LPIN2: variants seen among roughly 807,000 people sequenced by gnomAD.
The protein encoded by LPIN2 is phosphatidate phosphatase LPIN2.
In LPIN2, 55 loss-of-function variants were observed where a neutral mutation model predicts 111.4. That is an observed-to-expected ratio of 0.49 (90% CI 0.40 to 0.62). The LOEUF is 0.62. LPIN2 is among the 20% of genes least tolerant of loss of function. LPIN2 has a pLI of 0.00. For missense variants in LPIN2, 992 were observed against 1,112.1 expected (o/e 0.89, Z 1.54); for synonymous variants, 425 against 414.0 (o/e 1.03, Z -0.32).
intron 1 of LPIN2, among the ~76,000 whole-genome samples, chr18:2,994,573 T>C (rs1269090469): frequency 6.6e-6 from 1 of 152,276 alleles, no homozygotes; most frequent in African/African-American, 2.4e-5. Flanking sequence ...TCAGGGTAAA[T>C]GGGATATCCA....
chr18:2,956,311 G>GGGGTGTGTGT lies in LPIN2; in HGVS notation c.193-1713_193-1712insACACACACCC, dbSNP rs537302837. ...CATGATTTTCATATATAGATGCAGG[G>GGGGTGTGTGT]GTGTGTGTGTGTGTGTGTGTGTGTG... On this transcript the variant is annotated intron_variant, in intron 2 of 19. Coordinates refer to ENST00000677752, the MANE Select transcript of LPIN2 (RefSeq NM_001375808.2). Among the ~76,000 whole-genome samples the GGGGTGTGTGT allele has an allele frequency of 2.5e-3, 354 of 144,048 alleles. 1 individual carries two copies. The highest frequency in any genetic ancestry group is 7.3e-3 in the Admixed American group (108 of 14,736). 94.5% of individuals were successfully genotyped at this position (144,048 alleles called of 152,430 possible).
chr18:2,940,797 A>T (rs923160486), intron 4 of LPIN2, 85 bp from the exon 5 acceptor site: 10 of 787,486 alleles, frequency 1.3e-5, no homozygotes, highest in South Asian at 4.3e-5. Context: ...GATACTACAA[A>T]CAATCAAAAT....
intron 1 of LPIN2, among the ~76,000 whole-genome samples, chr18:2,970,154 G>C (rs907484559): frequency 3.9e-5 from 6 of 152,136 alleles, no homozygotes; most frequent in African/African-American, 1.4e-4. Flanking sequence ...TAAGAAGAGG[G>C]GATTTTCTGA....
chr18:2,919,971 A>G lies in LPIN2; in HGVS notation c.*322T>C. 2.4e-6 allele frequency: 1 copy of G among 421,494 alleles called. No homozygotes were observed. The highest frequency in any genetic ancestry group is 2.2e-5 in the South Asian group (1 of 46,298). The allele number at this position is 421,494 out of a possible 1,614,324, so 26.1% of individuals were successfully genotyped here. A position where few individuals can be genotyped will look rare whatever the true frequency, so the allele number is the denominator to read the frequency against. ...GCAGTGTTTTGGTCCACTCTTTTTT[A>G]GCTGCTTTTTTCTTCCTTTAAAATG... On this transcript the variant is annotated 3_prime_UTR_variant, in exon 20 of 20. Coordinates refer to ENST00000677752, the MANE Select transcript of LPIN2 (RefSeq NM_001375808.2).
intron 4 of LPIN2, among the ~76,000 whole-genome samples, chr18:2,947,636 A>G (rs75335263): frequency 0.025 from 3,813 of 152,292 alleles, 153 homozygotes; most frequent in African/African-American, 0.087. Flanking sequence ...AAAGTAAAGA[A>G]TTTAAACGAA....
intron 1 of LPIN2, chr18:2,985,114 C>CTA (rs1377138445): frequency 6.6e-6 from 1 of 152,260 alleles, no homozygotes; most frequent in East Asian, 1.9e-4. Flanking sequence ...GGAACATGTA[C>CTA]TATGGACCCA....
chr18:2,929,168 A>G lies in LPIN2; in HGVS notation c.1457-10T>C, dbSNP rs762492589. 3.9e-6 allele frequency: 6 copies of G among 1,523,912 alleles called. No homozygotes were observed. The Admixed American group carries it at 5.0e-5, about 13-fold the overall frequency. 94.4% of individuals were successfully genotyped at this position (1,523,912 alleles called of 1,614,324 possible). On this transcript the variant is annotated splice_polypyrimidine_tract_variant and intron_variant, in intron 9 of 19. Coordinates refer to ENST00000677752, the MANE Select transcript of LPIN2 (RefSeq NM_001375808.2). Reference sequence around the variant, plus strand: ...TGCTCCATGAATTTTTCTGCAATGTAAAATAATAATCAATTTGGTTAGAGA... The same window carrying G: ...TGCTCCATGAATTTTTCTGCAATGTGAAATAATAATCAATTTGGTTAGAGA...
intron 1 of LPIN2, among the ~76,000 whole-genome samples, chr18:2,997,298 T>C (rs562389895): frequency 8.2e-4 from 124 of 151,294 alleles, no homozygotes; most frequent in African/African-American, 2.8e-3. Context: ...TTGTTTTTTG[T>C]TTTTTTTTAG....
At chr18:2,989,663 G>A (rs554892394) in intron 1 of LPIN2, among the ~76,000 whole-genome samples, 16 of 152,280 alleles carry the variant, frequency 1.1e-4, no homozygotes, top group Non-Finnish European at 2.1e-4. Flanking sequence ...GCTGACGCCT[G>A]TAATCCCATC....
intron 1 of LPIN2, among the ~76,000 whole-genome samples, chr18:3,005,274 C>G (rs1390668352): frequency 6.7e-6 from 1 of 148,908 alleles, no homozygotes; most frequent in Non-Finnish European, 1.5e-5. Flanking sequence ...CGTTTAAACC[C>G]AGGAGGTAGA....
intron 4 of LPIN2, chr18:2,945,627 T>C: frequency 1.3e-6 from 2 of 1,505,790 alleles, no homozygotes; most frequent in Non-Finnish European, 1.8e-6. Context: ...TCGGTTCAGC[T>C]TTTCTCATAG....
At chr18:2,976,620 A>G (rs558574847) in intron 1 of LPIN2, among the ~76,000 whole-genome samples, 1 of 152,304 alleles carries the variant, frequency 6.6e-6, no homozygotes, top group East Asian at 1.9e-4. Flanking sequence ...CCCACTAAAC[A>G]TTTCCTGAGG....
chr18:2,998,405 C>T (rs2078377572), intron 1 of LPIN2, among the ~76,000 whole-genome samples: 1 of 152,216 alleles, frequency 6.6e-6, no homozygotes, highest in South Asian at 2.1e-4. Context: ...AACAAGGCCT[C>T]TTTCACTCAC....
chr18:2,926,956 A>G, intron 12 of LPIN2, 151 bp from the exon 13 acceptor site: 1 of 710,228 alleles, frequency 1.4e-6, no homozygotes. Context: ...ATTCTGAGCC[A>G]AAGAATTAGA....
chr18:2,937,268 G>A (rs1290257047), intron 7 of LPIN2, among the ~76,000 whole-genome samples: 1 of 152,062 alleles, frequency 6.6e-6, no homozygotes, highest in Non-Finnish European at 1.5e-5. Flanking sequence ...ACGGGCCTGG[G>A]CACGGTGGCT....
chr18:2,937,632 A>G, intron 7 of LPIN2, 60 bp downstream of exon 7: 3 of 1,384,538 alleles, frequency 2.2e-6, no homozygotes, highest in Non-Finnish European at 1.0e-6. Context: ...TATGTGGAAC[A>G]CTGAAATAAT....
intron 2 of LPIN2, among the ~76,000 whole-genome samples, chr18:2,958,166 A>AAAAAAAAAAC (rs1568571302): frequency 1.4e-5 from 2 of 146,004 alleles, no homozygotes; most frequent in East Asian, 2.1e-4. Context: ...AACAACAAAA[A>AAAAAAAAAAC]AAAAAAACAG....
At chr18:2,973,093 A>G (rs1327988929) in intron 1 of LPIN2, among the ~76,000 whole-genome samples, 1 of 152,250 alleles carries the variant, frequency 6.6e-6, no homozygotes, top group African/African-American at 2.4e-5. Context: ...TATACCTATC[A>G]GCACAGAAAA....
At chr18:2,950,354 C>G (rs544385098) in intron 4 of LPIN2, 1 of 152,370 alleles carries the variant, frequency 6.6e-6, no homozygotes, top group South Asian at 2.1e-4. Context: ...GGACCAGCAG[C>G]TCCCGCCACA....
Sources: allele counts gnomAD v4.1 joint callset (sites outside exome capture counted in the v4.1 genomes callset), GRCh38; gene constraint gnomAD v4.1.1; transcripts MANE v1.5; gene names NCBI Gene and HGNC (gene_info 2026-07-23, HGNC 2026-07-21).